The following RNF2 variants were observed in gnomAD, a reference collection of about 807,000 sequenced individuals.
The protein encoded by RNF2 is ring finger protein 2.
In RNF2, 6 loss-of-function variants were observed where a neutral mutation model predicts 37.2. The ratio of observed to expected loss-of-function variants is 0.16; its 90% CI spans 0.09 to 0.32. The LOEUF (loss-of-function observed/expected upper bound fraction) is 0.32, where lower values mean the gene tolerates loss of function less well. Ranked by LOEUF, RNF2 falls within the 10% of genes least tolerant of loss-of-function variation. RNF2 has a pLI of 1.00. For missense variants in RNF2, 251 were observed against 404.0 expected (o/e 0.62, Z 3.25); for synonymous variants, 133 against 132.7 (o/e 1.00, Z -0.02).
At chr1:185,099,145 G>A (rs527590770) in intron 5 of RNF2, among the ~76,000 whole-genome samples, 1 of 148,662 alleles carries the variant, frequency 6.7e-6, no homozygotes, top group Admixed American at 6.8e-5. Flanking sequence ...TTTGCCTCCC[G>A]AGTTCAAGCG....
chr1:185,098,818 C>G (rs1651989212), intron 5 of RNF2, among the ~76,000 whole-genome samples: 1 of 151,324 alleles, frequency 6.6e-6, no homozygotes, highest in South Asian at 2.1e-4. Context: ...GTGGCGCGAT[C>G]TCGGCTCACT....
At chr1:185,054,695 A>T (rs1209532163) in intron 1 of RNF2, among the ~76,000 whole-genome samples, 1 of 151,980 alleles carries the variant, frequency 6.6e-6, no homozygotes, top group African/African-American at 2.4e-5. Flanking sequence ...GTTTTTTAAA[A>T]TTTTTTATTA....
rs1178549459 is a variant in RNF2, at chr1:185,100,330, CT to C, written c.*35del. On this transcript the variant is annotated 3_prime_UTR_variant, in exon 7 of 7. Transcript: ENST00000367510. ...TTTAAAAACCAATTCTGAGACTGAA[CT>C]TTTTTATAGCCTATTTCTTTAATAT... 3 of 1,423,192 alleles carry C rather than the reference CT, an allele frequency of 2.1e-6. No homozygotes were observed. Among genetic ancestry groups the C allele is most frequent in the African/African-American group, 2.9e-5 (2 of 69,822 alleles). 88.2% of individuals were successfully genotyped at this position (1,423,192 alleles called of 1,614,324 possible).
chr1:185,098,345 G>T lies in RNF2; in HGVS notation c.737+1G>T. The T allele has an allele frequency of 6.2e-7, 1 of 1,612,436 alleles. No individual in the cohort carries two copies. Among genetic ancestry groups the T allele is most frequent in the Non-Finnish European group, 8.5e-7 (1 of 1,178,686 alleles). ...AAAAAGATGACAGTGCACAGACGAGGTAAGTGTGTGGATTAGTTTCAGATT... is the reference window on the plus strand; with the variant it reads ...AAAAAGATGACAGTGCACAGACGAGTTAAGTGTGTGGATTAGTTTCAGATT... On this transcript the variant is annotated splice_donor_variant, in intron 5 of 6. Transcript: ENST00000367510. LOFTEE classifies it high-confidence loss of function.
At position 185,057,591 on chromosome 1, in the gene RNF2, G is replaced by C. The variant is rs966189140; in HGVS notation, c.-3+11942G>C. Among the ~76,000 whole-genome samples the C allele has an allele frequency of 6.6e-5, 10 of 152,246 alleles. No individual in the cohort carries two copies. In the East Asian group the frequency reaches 1.9e-3, roughly 29 times the overall value. ...TAGCTGTCTTTGATGGCAGTAGCTTGTTGTGCAGTAGAGCTGAAGAAAACA... is the reference window on the plus strand; with the variant it reads ...TAGCTGTCTTTGATGGCAGTAGCTTCTTGTGCAGTAGAGCTGAAGAAAACA... On this transcript the variant is annotated intron_variant, in intron 1 of 6. Coordinates refer to ENST00000367510, the MANE Select transcript of RNF2 (RefSeq NM_007212.4).
intron 3 of RNF2, 138 bp from the exon 4 acceptor site, chr1:185,092,923 G>A: frequency 1.3e-6 from 1 of 788,086 alleles, no homozygotes; most frequent in Non-Finnish European, 2.0e-6. Flanking sequence ...AGGAAATTCA[G>A]GATAATTGGT....
chr1:185,089,288 C>G (rs141565798), intron 2 of RNF2, among the ~76,000 whole-genome samples: 3 of 152,296 alleles, frequency 2.0e-5, no homozygotes, highest in Non-Finnish European at 4.4e-5. Flanking sequence ...TCCTAACAAG[C>G]CAATACCTGT....
chr1:185,050,383 C>T (rs894753428), intron 1 of RNF2, among the ~76,000 whole-genome samples: 8 of 152,200 alleles, frequency 5.3e-5, no homozygotes, highest in African/African-American at 1.9e-4. Context: ...CTCTTTTTAT[C>T]TTCTATCCTG....
At chr1:185,063,010 T>C (rs1264339082) in intron 1 of RNF2, among the ~76,000 whole-genome samples, 3 of 152,168 alleles carry the variant, frequency 2.0e-5, no homozygotes, top group Admixed American at 2.0e-4. Flanking sequence ...TTTGTCAGAA[T>C]AAAAAAATGT....
chr1:185,085,241 C>T (rs1487812100), intron 1 of RNF2, among the ~76,000 whole-genome samples: 4 of 150,156 alleles, frequency 2.7e-5, no homozygotes, highest in Non-Finnish European at 4.4e-5. Flanking sequence ...CTCCGCCTCC[C>T]GGGTTCATGC....
At chr1:185,048,326 A>G (rs1211061164) in intron 1 of RNF2, among the ~76,000 whole-genome samples, 1 of 152,122 alleles carries the variant, frequency 6.6e-6, no homozygotes, top group Non-Finnish European at 1.5e-5. Flanking sequence ...CCTTTGCTTT[A>G]CGGTTTTTAG....
chr1:185,098,957 G>T (rs1557976508), intron 5 of RNF2, among the ~76,000 whole-genome samples: 1 of 151,402 alleles, frequency 6.6e-6, no homozygotes, highest in Non-Finnish European at 1.5e-5. Flanking sequence ...TCACCATGTT[G>T]GCCAGGATGG....
Position 185,099,951 on chromosome 1 carries a change from G to T in RNF2, c.898G>T (p.Gly300Cys), listed in dbSNP as rs771015355. 6.2e-7 allele frequency: 1 copy of T among 1,607,942 alleles called. No individual in the cohort carries two copies. Among genetic ancestry groups the T allele is most frequent in the South Asian group, 1.1e-5 (1 of 90,672 alleles). Residue 300 changes from glycine to cysteine, a missense_variant, in exon 6 of 7, where the codon GGC becomes TGC. Gly to Cys is a radical substitution (Grantham distance 159). This residue lies in a region of RNF2 where 59 missense variants were observed against 69.1 expected (regional missense o/e 0.85). Coordinates refer to ENST00000367510, the MANE Select transcript of RNF2 (RefSeq NM_007212.4). Reference protein sequence around the residue: ...QYTIYIATASGQFTVLNGSFS... With the variant: ...QYTIYIATASCQFTVLNGSFS... Reference sequence around the variant, plus strand: ...TACCATTTATATAGCAACAGCCAGTGGCCAGTTCACTGTGAGTATTTAAAA... The same window carrying T: ...TACCATTTATATAGCAACAGCCAGTTGCCAGTTCACTGTGAGTATTTAAAA...
At chr1:185,091,762 A>T in intron 3 of RNF2, 23 bp downstream of exon 3, 2 of 1,604,130 alleles carry the variant, frequency 1.2e-6, no homozygotes, top group South Asian at 2.2e-5. Flanking sequence ...GAGTTGTTAT[A>T]CTAGGTACTT....
rs560052624 is a variant in RNF2 at position 185,083,124 on chromosome 1, A to G, written c.-2-4428A>G. On this transcript the variant is annotated intron_variant, in intron 1 of 6. Coordinates refer to ENST00000367510, the MANE Select transcript of RNF2 (RefSeq NM_007212.4). Reference sequence around the variant, plus strand: ...TTTTTCCCCTGCTTCTTTGTTTGCTAATACGGAACAAAGCCTCTTATTTTT... The same window carrying G: ...TTTTTCCCCTGCTTCTTTGTTTGCTGATACGGAACAAAGCCTCTTATTTTT... 3.2e-4 allele frequency among the ~76,000 whole-genome samples: 48 copies of G among 152,290 alleles called. 2 individuals carry two copies. In the South Asian group the frequency reaches 7.5e-3, roughly 24 times the overall value.
At chr1:185,082,639 G>A (rs1381004993) in intron 1 of RNF2, among the ~76,000 whole-genome samples, 3 of 152,082 alleles carry the variant, frequency 2.0e-5, no homozygotes, top group Non-Finnish European at 2.9e-5. Context: ...ACAGGCGTGA[G>A]CCACCGCACC....
intron 1 of RNF2, among the ~76,000 whole-genome samples, chr1:185,055,328 T>C (rs746898476): frequency 3.9e-5 from 6 of 152,250 alleles, no homozygotes; most frequent in Non-Finnish European, 5.9e-5. Flanking sequence ...ATCATGTCCA[T>C]GTCCAAAAAG....
At chr1:185,052,567 G>A (rs775747915) in intron 1 of RNF2, among the ~76,000 whole-genome samples, 6 of 152,176 alleles carry the variant, frequency 3.9e-5, no homozygotes, top group Non-Finnish European at 5.9e-5. Context: ...GGATGAAACT[G>A]CTTAATGGGT....
chr1:185,076,416 A>G (rs1287171030), intron 1 of RNF2, among the ~76,000 whole-genome samples: 3 of 148,394 alleles, frequency 2.0e-5, no homozygotes, highest in African/African-American at 7.4e-5. Flanking sequence ...TCAGACTCCC[A>G]AGTAGCTGGG....
Sources: allele counts gnomAD v4.1 joint callset (sites outside exome capture counted in the v4.1 genomes callset), GRCh38; gene constraint gnomAD v4.1.1; regional missense constraint gnomAD v4.1.1; transcripts MANE v1.5; gene names NCBI Gene and HGNC (gene_info 2026-07-23, HGNC 2026-07-21).